The following PDZRN4 variants were observed in gnomAD, a reference collection of about 807,000 sequenced individuals.
PDZRN4 encodes the protein PDZ domain-containing RING finger protein 4.
A neutral mutation model predicts 99.0 loss-of-function variants in PDZRN4; 70 were observed. The ratio of observed to expected loss-of-function variants is 0.71; its 90% confidence interval spans 0.58 to 0.86. The LOEUF (loss-of-function observed/expected upper bound fraction) is 0.86. PDZRN4 is among the 40% of genes least tolerant of loss of function. The pLI is 0.00. For synonymous variants in PDZRN4, 551 were observed against 501.6 expected (o/e 1.10, Z -1.32); for missense variants, 1,474 against 1,331.2 (o/e 1.11, Z -1.67).
chr12:41,357,440 T>C (rs1332849756), intron 3 of PDZRN4, among the ~76,000 whole-genome samples: 1 of 151,982 alleles, frequency 6.6e-6, no homozygotes, highest in African/African-American at 2.4e-5. Flanking sequence ...ACCAGTATGG[T>C]ATTATTTTCA....
At chr12:41,263,495 T>C (rs1205177383) in intron 3 of PDZRN4, among the ~76,000 whole-genome samples, 1 of 152,188 alleles carries the variant, frequency 6.6e-6, no homozygotes, top group African/African-American at 2.4e-5. Context: ...AGGAACAGCC[T>C]GACCAACATG....
At chr12:41,230,083 C>T (rs751212121) in intron 3 of PDZRN4, among the ~76,000 whole-genome samples, 1 of 151,858 alleles carries the variant, frequency 6.6e-6, no homozygotes, top group Non-Finnish European at 1.5e-5. Context: ...CCAGAAATCA[C>T]AAACCGGATA....
At chr12:41,343,043 T>A (rs1609060) in intron 3 of PDZRN4, among the ~76,000 whole-genome samples, 1 of 151,580 alleles carries the variant, frequency 6.6e-6, no homozygotes, top group Non-Finnish European at 1.5e-5. Flanking sequence ...TATTCAGCCA[T>A]GAAAAAGAAT....
At chr12:41,255,685 A>C (rs1951200844) in intron 3 of PDZRN4, among the ~76,000 whole-genome samples, 1 of 152,194 alleles carries the variant, frequency 6.6e-6, no homozygotes, top group Admixed American at 6.5e-5. Context: ...AAAGAGGTTT[A>C]ATTGGCTCAT....
At chr12:41,493,201 A>C (rs1214626369) in intron 3 of PDZRN4, among the ~76,000 whole-genome samples, 1 of 152,188 alleles carries the variant, frequency 6.6e-6, no homozygotes, top group East Asian at 1.9e-4. Flanking sequence ...TATGCCATGT[A>C]ATTAATCTTT....
At chr12:41,190,568 A>G (rs534763824) in intron 1 of PDZRN4, among the ~76,000 whole-genome samples, 87 of 152,308 alleles carry the variant, frequency 5.7e-4, no homozygotes, top group African/African-American at 1.9e-3. Context: ...AAAACCTTCT[A>G]TGTGTTCCTC....
At chr12:41,555,405 A>G (rs1431683095) in intron 6 of PDZRN4, among the ~76,000 whole-genome samples, 1 of 151,984 alleles carries the variant, frequency 6.6e-6, no homozygotes, top group East Asian at 1.9e-4. Flanking sequence ...CAAATGTGAA[A>G]AAAAAAAAGA....
At chr12:41,236,114 A>T (rs1329452841) in intron 3 of PDZRN4, among the ~76,000 whole-genome samples, 1 of 152,142 alleles carries the variant, frequency 6.6e-6, no homozygotes, top group African/African-American at 2.4e-5. Context: ...ATAGTTTCTA[A>T]CCAAAGAAGT....
Position 41,209,970 on chromosome 12 carries a change from A to C in PDZRN4, c.843+15782A>C, listed in dbSNP as rs913465777. On this transcript the variant is annotated intron_variant, in intron 3 of 9. Transcript: ENST00000402685. Reference sequence around the variant, plus strand: ...TAGTTTACAGTCCCACCAACAGTGTAAAAGTGTTCCTATTTCTCCACATCC... The same window carrying C: ...TAGTTTACAGTCCCACCAACAGTGTCAAAGTGTTCCTATTTCTCCACATCC... Among the ~76,000 whole-genome samples, 30 of 151,300 alleles carry C rather than the reference A, an allele frequency of 2.0e-4. 1 individual carries two copies. Among genetic ancestry groups the C allele is most frequent in the Admixed American group, 9.9e-4 (15 of 15,130 alleles).
At chr12:41,431,861 G>A (rs946916656) in intron 3 of PDZRN4, among the ~76,000 whole-genome samples, 2 of 152,168 alleles carry the variant, frequency 1.3e-5, no homozygotes, top group Non-Finnish European at 2.9e-5. Context: ...GGAACTATTA[G>A]CAGAAGCATC....
chr12:41,393,953 G>A (rs1250285087), intron 3 of PDZRN4, among the ~76,000 whole-genome samples: 1 of 152,138 alleles, frequency 6.6e-6, no homozygotes, highest in Admixed American at 6.6e-5. Context: ...TATCTTACAT[G>A]GCAGATCAGA....
chr12:41,509,699 C>T, intron 4 of PDZRN4, 112 bp from the exon 5 acceptor site: 1 of 608,616 alleles, frequency 1.6e-6, no homozygotes, highest in Non-Finnish European at 2.9e-6. Flanking sequence ...GACTAGATCA[C>T]TACAGATCTT....
chr12:41,471,140 C>T (rs1952985886), intron 3 of PDZRN4, among the ~76,000 whole-genome samples: 1 of 152,210 alleles, frequency 6.6e-6, no homozygotes, highest in Non-Finnish European at 1.5e-5. Flanking sequence ...GCTACAGTGA[C>T]AAACTTTCTT....
At chr12:41,193,159 A>G (rs771392624) in intron 2 of PDZRN4, among the ~76,000 whole-genome samples, 1 of 152,236 alleles carries the variant, frequency 6.6e-6, no homozygotes, top group Non-Finnish European at 1.5e-5. Context: ...CTCATTTATT[A>G]AGATGAAAGC....
chr12:41,204,683 G>A (rs1462205008), intron 3 of PDZRN4, among the ~76,000 whole-genome samples: 1 of 151,974 alleles, frequency 6.6e-6, no homozygotes, highest in Non-Finnish European at 1.5e-5. Context: ...AAGCATGGGG[G>A]AACCACCCCC....
intron 3 of PDZRN4, among the ~76,000 whole-genome samples, chr12:41,424,104 G>T (rs1049385950): frequency 6.6e-6 from 1 of 152,132 alleles, no homozygotes; most frequent in Non-Finnish European, 1.5e-5. Flanking sequence ...CTGGTTTCCT[G>T]CAAGCCCTAC....
At chr12:41,289,635 T>C (rs994683955) in intron 3 of PDZRN4, among the ~76,000 whole-genome samples, 1 of 151,002 alleles carries the variant, frequency 6.6e-6, no homozygotes, top group African/African-American at 2.5e-5. Flanking sequence ...ATGTAACCAG[T>C]GCAGCTTGCA....
At chr12:41,378,841 G>A (rs555317166) in intron 3 of PDZRN4, among the ~76,000 whole-genome samples, 5 of 152,052 alleles carry the variant, frequency 3.3e-5, no homozygotes, top group African/African-American at 1.2e-4. Flanking sequence ...CAATTTTTTT[G>A]GAGAAGCTTA....
chr12:41,567,899 GGTAGGGCCAACAA>G lies in PDZRN4; in HGVS notation c.1584+1_1584+13del, dbSNP rs777014397. 6 of 1,562,992 alleles carry G rather than the reference GGTAGGGCCAACAA, an allele frequency of 3.8e-6. No homozygotes were observed. Among genetic ancestry groups the G allele is most frequent in the Middle Eastern group, 1.7e-4 (1 of 5,924 alleles). On this transcript the variant is annotated splice_donor_variant and splice_donor_5th_base_variant and intron_variant, in intron 9 of 9. Transcript: ENST00000402685. LOFTEE classifies it high-confidence loss of function. The stretch of plus-strand genomic sequence containing the variant: ...AGCCCACTGCCAATGAGGTGGAGCA[GGTAGGGCCAACAA>G]TTTGAACTACATCATTTGATATGTT...
Sources: gnomAD v4.1 joint callset for allele counts (sites outside exome capture counted in the v4.1 genomes callset) on GRCh38, gnomAD v4.1.1 for gene constraint, MANE v1.5 for transcripts, NCBI Gene and HGNC (gene_info 2026-07-23, HGNC 2026-07-21) for gene names.